The following CBFA2T2 variants were observed in gnomAD, a reference collection of about 807,000 sequenced individuals.
CBFA2T2 encodes the protein CBFA2/RUNX1 partner transcriptional co-repressor 2.
Under a neutral mutation model 62.2 loss-of-function variants are expected in CBFA2T2, and 11 were observed. The observed-to-expected ratio is 0.18, with a 90% CI of 0.11 to 0.29. The LOEUF (loss-of-function observed/expected upper bound fraction) is 0.29. Among genes scored for constraint, CBFA2T2 ranks in the 10% least tolerant of loss-of-function variants. The probability of loss-of-function intolerance (pLI) is 1.00; values close to 1 mark genes in which losing one functional copy is unlikely to be tolerated. For missense variants in CBFA2T2, 592 were observed against 774.1 expected (o/e 0.76, Z 2.79); for synonymous variants, 295 against 287.5 (o/e 1.03, Z -0.27).
intron 1 of CBFA2T2, among the ~76,000 whole-genome samples, chr20:33,593,391 A>ATTTTT (rs754319345): frequency 8.2e-5 from 9 of 109,858 alleles, no homozygotes; most frequent in South Asian, 3.1e-4. Context: ...TCTTGACTGG[A>ATTTTT]TTTTTTTTTT....
At chr20:33,624,125 T>C (rs2016118370) in intron 5 of CBFA2T2, among the ~76,000 whole-genome samples, 1 of 151,240 alleles carries the variant, frequency 6.6e-6, no homozygotes, top group Non-Finnish European at 1.5e-5. Context: ...AAAATTAATA[T>C]GAATTTATTT....
intron 7 of CBFA2T2, among the ~76,000 whole-genome samples, chr20:33,629,087 A>G (rs1395582459): frequency 2.0e-5 from 3 of 152,268 alleles, no homozygotes; most frequent in African/African-American, 7.2e-5. Context: ...AGTCTGGGCA[A>G]CATAGCAAGA....
intron 1 of CBFA2T2, among the ~76,000 whole-genome samples, chr20:33,541,114 T>TC (rs35384314): frequency 6.6e-6 from 1 of 152,184 alleles, no homozygotes; most frequent in African/African-American, 2.4e-5. Context: ...CACCTCACTT[T>TC]CCCCATAGTA....
At chr20:33,640,142 C>G (rs1285718232) in intron 9 of CBFA2T2, among the ~76,000 whole-genome samples, 199 bp from the exon 10 acceptor site, 1 of 152,166 alleles carries the variant, frequency 6.6e-6, no homozygotes, top group Non-Finnish European at 1.5e-5. Flanking sequence ...GTCCACAGCC[C>G]TAGCTCGGTG....
chr20:33,502,565 G>A (rs541664553), intron 1 of CBFA2T2, among the ~76,000 whole-genome samples: 21 of 151,568 alleles, frequency 1.4e-4, no homozygotes, highest in Admixed American at 2.6e-4. Context: ...CAACACACCC[G>A]GCTAATTTTT....
intron 10 of CBFA2T2, among the ~76,000 whole-genome samples, chr20:33,640,907 C>G (rs1037898676): frequency 1.3e-5 from 2 of 152,102 alleles, no homozygotes; most frequent in African/African-American, 2.4e-5. Flanking sequence ...TGTATATTTT[C>G]TTTTTGAGTC....
intron 1 of CBFA2T2, among the ~76,000 whole-genome samples, chr20:33,501,527 T>C (rs189963472): frequency 3.3e-4 from 50 of 152,018 alleles, no homozygotes; most frequent in African/African-American, 1.2e-3. Context: ...GTGATGGTTT[T>C]AGCTCCTGCA....
rs534937477 is a variant in CBFA2T2 at position 33,524,138 on chromosome 20, AATTATT to A, written c.34+33848_34+33853del. 4.2e-3 allele frequency among the ~76,000 whole-genome samples: 639 copies of A among 151,780 alleles called. 3 individuals are homozygous for A. Among genetic ancestry groups the A allele is most frequent in the African/African-American group, 0.014 (590 of 41,354 alleles). On this transcript the variant is annotated intron_variant, in intron 1 of 10. Transcript: ENST00000342704. ...GGACAAAAATATGTACAGGTTTTAA[AATTATT>A]ATTATTATTAAAAGAATTACCTTAA...
intron 1 of CBFA2T2, among the ~76,000 whole-genome samples, chr20:33,493,075 T>G (rs1019098194): frequency 9.1e-5 from 13 of 143,468 alleles, no homozygotes; most frequent in Admixed American, 2.1e-4. Context: ...TTGGTTTTTT[T>G]TTTTTTTTTT....
intron 1 of CBFA2T2, among the ~76,000 whole-genome samples, chr20:33,592,974 A>G (rs1393069234): frequency 6.6e-6 from 1 of 152,168 alleles, no homozygotes; most frequent in African/African-American, 2.4e-5. Flanking sequence ...TTTCCATTGT[A>G]AAGAAGCTAT....
chr20:33,500,412 A>T (rs920719450), intron 1 of CBFA2T2, among the ~76,000 whole-genome samples: 2 of 148,612 alleles, frequency 1.3e-5, no homozygotes, highest in African/African-American at 4.9e-5. Context: ...CTTCTTATTT[A>T]AAAAAAAAAG....
chr20:33,547,687 ATGTG>A (rs60988030), intron 1 of CBFA2T2, among the ~76,000 whole-genome samples: 3,814 of 139,120 alleles, frequency 0.027, 56 homozygotes, highest in East Asian at 0.062. Context: ...TCTCAAAAAA[ATGTG>A]TGTGTGTGTG....
chr20:33,596,532 C>G (rs1246613351), intron 1 of CBFA2T2, among the ~76,000 whole-genome samples: 1 of 152,056 alleles, frequency 6.6e-6, no homozygotes, highest in Non-Finnish European at 1.5e-5. Context: ...TCTGGTTTTT[C>G]CCCTTATTTC....
At chr20:33,565,073 C>CT (rs1821274575) in intron 1 of CBFA2T2, among the ~76,000 whole-genome samples, 1 of 152,108 alleles carries the variant, frequency 6.6e-6, no homozygotes. Flanking sequence ...GCACCCGCCA[C>CT]CACACCCGGC....
chr20:33,641,043 T>G (rs1014241386), intron 10 of CBFA2T2, among the ~76,000 whole-genome samples: 9 of 152,136 alleles, frequency 5.9e-5, no homozygotes, highest in African/African-American at 1.9e-4. Flanking sequence ...CCTAGGCTTT[T>G]TTTTTTTGAG....
intron 1 of CBFA2T2, among the ~76,000 whole-genome samples, chr20:33,604,245 A>G (rs1230270146): frequency 6.6e-6 from 1 of 152,168 alleles, no homozygotes; most frequent in Non-Finnish European, 1.5e-5. Flanking sequence ...CAGGATTTCT[A>G]TCTTCTAATC....
At chr20:33,539,108 T>C (rs1349908009) in intron 1 of CBFA2T2, among the ~76,000 whole-genome samples, 2 of 152,140 alleles carry the variant, frequency 1.3e-5, no homozygotes, top group African/African-American at 4.8e-5. Context: ...AGCATCAGAG[T>C]TGAGGTTCGG....
intron 1 of CBFA2T2, among the ~76,000 whole-genome samples, chr20:33,565,140 C>T (rs1298190793): frequency 2.0e-5 from 3 of 151,896 alleles, no homozygotes; most frequent in South Asian, 2.1e-4. Flanking sequence ...AGGATGGTCT[C>T]GATCTCCTGA....
At chr20:33,560,522 C>T (rs762084449) in intron 1 of CBFA2T2, among the ~76,000 whole-genome samples, 1 of 152,202 alleles carries the variant, frequency 6.6e-6, no homozygotes, top group Non-Finnish European at 1.5e-5. Context: ...AGTGAGTACA[C>T]ATGACAAACA....
Sources: gnomAD v4.1 joint callset for allele counts (sites outside exome capture counted in the v4.1 genomes callset) on GRCh38, gnomAD v4.1.1 for gene constraint, MANE v1.5 for transcripts, NCBI Gene and HGNC (gene_info 2026-07-23, HGNC 2026-07-21) for gene names.